Variants in PBX1 observed in about 807,000 individuals in gnomAD.
PBX1 encodes PBX homeobox 1.
In PBX1, 6 loss-of-function variants were observed where a neutral mutation model predicts 53.4. The observed-to-expected ratio is 0.11, with a 90% confidence interval of 0.06 to 0.22. The LOEUF (loss-of-function observed/expected upper bound fraction) is 0.22, where lower values mean the gene tolerates loss of function less well. PBX1 is among the 10% of genes least tolerant of loss of function. The pLI, the probability that PBX1 is intolerant of heterozygous loss-of-function variation, is 1.00. For missense variants in PBX1, 251 were observed against 551.4 expected, an observed-to-expected ratio of 0.46 and a Z score of 5.46; for synonymous variants, 204 against 212.3, an observed-to-expected ratio of 0.96 and a Z score of 0.34.
chr1:164,700,718 G>T (rs1663070147), intron 2 of PBX1: 2 of 985,264 alleles, frequency 2.0e-6, no homozygotes, highest in Non-Finnish European at 2.4e-6. Context: ...TGAGGTAGGT[G>T]AATTAAACTG....
At chr1:164,571,151 CTTCA>C (rs1653820383) in intron 2 of PBX1, among the ~76,000 whole-genome samples, 1 of 152,044 alleles carries the variant, frequency 6.6e-6, no homozygotes, top group Non-Finnish European at 1.5e-5. Flanking sequence ...TAGATTTATT[CTTCA>C]TTATTTTTAT....
At chr1:164,732,823 T>C (rs1665070627) in intron 2 of PBX1, among the ~76,000 whole-genome samples, 1 of 152,142 alleles carries the variant, frequency 6.6e-6, no homozygotes. Context: ...AACCTTCCCT[T>C]GACTGGATCT....
intron 2 of PBX1, among the ~76,000 whole-genome samples, chr1:164,619,752 C>G (rs1432923082): frequency 2.6e-5 from 4 of 151,984 alleles, no homozygotes; most frequent in African/African-American, 9.7e-5. Context: ...CATGGATCTT[C>G]TAGTTTTTTC....
intron 2 of PBX1, among the ~76,000 whole-genome samples, chr1:164,643,246 C>G (rs2792262): frequency 0.9 from 137,600 of 152,128 alleles, 63,866 homozygotes; most frequent in Non-Finnish European, 1. Context: ...GACGCTCTCC[C>G]TACCCCCGTG....
intron 2 of PBX1, among the ~76,000 whole-genome samples, chr1:164,581,844 G>A (rs1036026045): frequency 6.6e-6 from 1 of 152,108 alleles, no homozygotes; most frequent in Admixed American, 6.5e-5. Flanking sequence ...CTAGTTCAAC[G>A]TCTATTTTCA....
chr1:164,849,591 T>C lies in PBX1; in HGVS notation c.*2915T>C. ...GTGCTCCATTTTCCCCGACAGCGAA[T>C]TTCCCCTGAGAAACGATACTAGACC... On this transcript the variant is annotated 3_prime_UTR_variant, in exon 9 of 9. Transcript: ENST00000420696. 1.2e-6 allele frequency: 1 copy of C among 863,720 alleles called. No individual in the cohort carries two copies. Among genetic ancestry groups the C allele is most frequent in the Non-Finnish European group, 1.7e-6 (1 of 585,940 alleles). 53.5% of individuals were successfully genotyped at this position (863,720 alleles called of 1,614,324 possible). A position where few individuals can be genotyped will look rare whatever the true frequency, so the allele number is the denominator to read the frequency against.
At chr1:164,807,943 G>A (rs1571446163) in intron 5 of PBX1, among the ~76,000 whole-genome samples, 1 of 152,142 alleles carries the variant, frequency 6.6e-6, no homozygotes, top group Admixed American at 6.5e-5. Flanking sequence ...TCTTCCCATC[G>A]AGCACTCCTT....
intron 2 of PBX1, chr1:164,625,854 A>G (rs1658000605): frequency 1.3e-6 from 1 of 766,412 alleles, no homozygotes; most frequent in Non-Finnish European, 1.6e-6. Flanking sequence ...GAATTATCCC[A>G]TTCCCCCACC....
chr1:164,726,735 G>A (rs1664719529), intron 2 of PBX1, among the ~76,000 whole-genome samples: 1 of 152,072 alleles, frequency 6.6e-6, no homozygotes, highest in Non-Finnish European at 1.5e-5. Flanking sequence ...AGTAAAAGCA[G>A]CTCTGTACCT....
intron 2 of PBX1, among the ~76,000 whole-genome samples, chr1:164,572,333 A>G (rs1017210735): frequency 6.6e-6 from 1 of 152,062 alleles, no homozygotes; most frequent in African/African-American, 2.4e-5. Flanking sequence ...TCTCCTCTCT[A>G]TGTTTAGGAC....
chr1:164,603,288 G>A (rs903857051), intron 2 of PBX1, among the ~76,000 whole-genome samples: 1 of 151,874 alleles, frequency 6.6e-6, no homozygotes, highest in African/African-American at 2.4e-5. Flanking sequence ...TGAAATTGAT[G>A]TTTGCAAAAG....
At chr1:164,870,358 T>TTTCC (rs1672352660) in intron 2 of PBX1, among the ~76,000 whole-genome samples, 1 of 103,670 alleles carries the variant, frequency 9.6e-6, no homozygotes, top group African/African-American at 3.7e-5. Context: ...TCTTTCTTTC[T>TTTCC]TTCGAGATGA....
At chr1:164,713,305 G>A (rs904368760) in intron 2 of PBX1, among the ~76,000 whole-genome samples, 2 of 152,076 alleles carry the variant, frequency 1.3e-5, no homozygotes, top group African/African-American at 4.8e-5. Flanking sequence ...CCTCCAACAT[G>A]GCTCTCCAAC....
At position 164,847,425 on chromosome 1, in the gene PBX1, A is replaced by G. The variant is rs1429014614; in HGVS notation, c.*749A>G. The stretch of plus-strand genomic sequence containing the variant: ...CGGGAACAGCAGGTGGAGAATTCCT[A>G]CAGTCTTTCTTACCCTGCTAGCAAT... On this transcript the variant is annotated 3_prime_UTR_variant, in exon 9 of 9. Transcript: ENST00000420696. 1.9e-6 allele frequency: 2 copies of G among 1,063,802 alleles called. No homozygotes were observed. Among genetic ancestry groups the G allele is most frequent in the Admixed American group, 1.1e-4 (2 of 18,664 alleles). 65.9% of individuals were successfully genotyped at this position (1,063,802 alleles called of 1,614,324 possible).
rs528644538 is a variant in PBX1, at chr1:164,635,049, T to C, written c.265+71738T>C. Among the ~76,000 whole-genome samples, 47 of 138,508 alleles carry C rather than the reference T, an allele frequency of 3.4e-4. No individual in the cohort carries two copies. In the Admixed American group the frequency reaches 3.5e-3, roughly 10 times the overall value. The allele number at this position is 138,508 out of a possible 152,430, so 90.9% of individuals were successfully genotyped here. A position where few individuals can be genotyped will look rare whatever the true frequency, so the allele number is the denominator to read the frequency against. On this transcript the variant is annotated intron_variant, in intron 2 of 8. Transcript: ENST00000420696. ...TTTCCTTATTCTTATAAGAGGCAAG[T>C]GATACATCTTAGAGAAGGTAGAAGT...
chr1:164,779,757 G>A (rs1667842988), intron 2 of PBX1, among the ~76,000 whole-genome samples: 1 of 152,184 alleles, frequency 6.6e-6, no homozygotes, highest in Admixed American at 6.5e-5. Context: ...CATACAACCA[G>A]AGTGGGGTTC....
chr1:164,621,197 C>G lies in PBX1; in HGVS notation c.265+57886C>G, dbSNP rs12091043. ...AGAGACGGGGTTTCGCTATGTTGGC[C>G]TGGATGGTCTCGATCTCTTGACCTT... is the stretch of plus-strand genomic sequence containing the variant. On this transcript the variant is annotated intron_variant, in intron 2 of 8. Transcript: ENST00000420696. Among the ~76,000 whole-genome samples the G allele has an allele frequency of 7.6e-3, 1,147 of 151,888 alleles. 14 individuals are homozygous for G. The highest frequency in any genetic ancestry group is 0.026 in the African/African-American group (1,095 of 41,376).
chr1:164,627,892 T>C (rs894338835), intron 2 of PBX1, among the ~76,000 whole-genome samples: 1 of 152,222 alleles, frequency 6.6e-6, no homozygotes, highest in African/African-American at 2.4e-5. Context: ...GCCCCTGAAT[T>C]TACCCAAGCT....
At chr1:164,583,487 TGGC>T (rs960330624) in intron 2 of PBX1, among the ~76,000 whole-genome samples, 1 of 152,144 alleles carries the variant, frequency 6.6e-6, no homozygotes, top group Non-Finnish European at 1.5e-5. Flanking sequence ...TGACTTGACC[TGGC>T]AGCCTTAGCT....
Sources: gnomAD v4.1 joint callset for allele counts (sites outside exome capture counted in the v4.1 genomes callset) on GRCh38, gnomAD v4.1.1 for gene constraint, MANE v1.5 for transcripts, NCBI Gene and HGNC (gene_info 2026-07-23, HGNC 2026-07-21) for gene names.